The following PIK3C2A variants were observed in gnomAD, a reference collection of about 807,000 sequenced individuals.
PIK3C2A encodes phosphatidylinositol-4-phosphate 3-kinase catalytic subunit type 2 alpha, also known as phosphatidylinositol 4-phosphate 3-kinase C2 domain-containing subunit alpha.
PIK3C2A carries 97 observed loss-of-function variants against 204.5 expected under a neutral mutation model. The ratio of observed to expected loss-of-function variants is 0.47; its 90% CI spans 0.40 to 0.56. PIK3C2A has a LOEUF of 0.56. Among genes scored for constraint, PIK3C2A ranks in the 20% least tolerant of loss-of-function variants. PIK3C2A has a pLI of 0.00. For missense variants in PIK3C2A, 1,735 were observed against 1,969.2 expected, an observed-to-expected ratio of 0.88 and a Z score of 2.25; for synonymous variants, 653 against 664.4, an observed-to-expected ratio of 0.98 and a Z score of 0.26.
chr11:17,089,667 CTGTGTG>C lies in PIK3C2A; in HGVS notation c.*65_*70del, dbSNP rs903863131. 3.7e-6 allele frequency: 3 copies of C among 817,112 alleles called. No homozygotes were observed. The highest frequency in any genetic ancestry group is 6.0e-6 in the Non-Finnish European group (3 of 502,930). The allele number at this position is 817,112 out of a possible 1,614,324, so 50.6% of individuals were successfully genotyped here. A position where few individuals can be genotyped will look rare whatever the true frequency, so the allele number is the denominator to read the frequency against. ...AATTAACAAGTGTGTGTGTGTGTGT[CTGTGTG>C]TGTGTGCATGTATGCATGCACGTTT... On this transcript the variant is annotated 3_prime_UTR_variant, in exon 33 of 33. Coordinates refer to ENST00000691414, the MANE Select transcript of PIK3C2A (RefSeq NM_002645.4).
At chr11:17,144,119 CTTCAT>C (rs1850155043) in intron 8 of PIK3C2A, among the ~76,000 whole-genome samples, 1 of 152,074 alleles carries the variant, frequency 6.6e-6, no homozygotes, top group South Asian at 2.1e-4. Context: ...ATCTGCCAAT[CTTCAT>C]TTTATACTTT....
intron 3 of PIK3C2A, among the ~76,000 whole-genome samples, chr11:17,154,447 T>C (rs886179925): frequency 3.3e-5 from 5 of 152,176 alleles, no homozygotes; most frequent in African/African-American, 1.2e-4. Flanking sequence ...TAAAATAATG[T>C]ACATACTCAA....
At chr11:17,124,757 C>T (rs1385812411) in intron 13 of PIK3C2A, among the ~76,000 whole-genome samples, 1 of 152,184 alleles carries the variant, frequency 6.6e-6, no homozygotes, top group Admixed American at 6.5e-5. Context: ...ATCTGGCACC[C>T]TTTACAGAAA....
chr11:17,119,180 A>G (rs1392343372), intron 17 of PIK3C2A, 40 bp downstream of exon 17: 1 of 1,125,570 alleles, frequency 8.9e-7, no homozygotes, highest in Non-Finnish European at 1.3e-6. Flanking sequence ...AAAAAACTAG[A>G]GTGAAAGTAT....
rs180872885 is a variant in PIK3C2A, at chr11:17,121,736, A to G, written c.2657+452T>C. Among the ~76,000 whole-genome samples, 67 of 152,256 alleles carry G rather than the reference A, an allele frequency of 4.4e-4. No individual in the cohort carries two copies. In the East Asian group the frequency reaches 0.011, roughly 26 times the overall value. The stretch of plus-strand genomic sequence containing the variant: ...TTACTGAGAAATTGAACATCTTTTC[A>G]GATTGTTTAAAAGTATTGTATTTTT... On this transcript the variant is annotated intron_variant, in intron 15 of 32. Transcript: ENST00000691414.
At chr11:17,092,831 A>C (rs901872887) in intron 28 of PIK3C2A, among the ~76,000 whole-genome samples, 2 of 152,200 alleles carry the variant, frequency 1.3e-5, no homozygotes, top group Admixed American at 6.5e-5. Flanking sequence ...TTTTGACATT[A>C]AAAGTAATGG....
At chr11:17,154,818 C>A (rs1007497678) in intron 3 of PIK3C2A, among the ~76,000 whole-genome samples, 1 of 152,186 alleles carries the variant, frequency 6.6e-6, no homozygotes, top group Non-Finnish European at 1.5e-5. Flanking sequence ...TTAATGAACT[C>A]TATCCCATCC....
At chr11:17,183,818 G>A (rs944426122) in intron 1 of PIK3C2A, among the ~76,000 whole-genome samples, 3 of 152,034 alleles carry the variant, frequency 2.0e-5, no homozygotes, top group African/African-American at 7.2e-5. Flanking sequence ...ATTATAATGG[G>A]CCAGGTGCAG....
intron 1 of PIK3C2A, among the ~76,000 whole-genome samples, chr11:17,192,746 C>A (rs1424374031): frequency 6.6e-6 from 1 of 152,162 alleles, no homozygotes; most frequent in Non-Finnish European, 1.5e-5. Context: ...CGTGCCTGGC[C>A]ACAAAACAAC....
intron 14 of PIK3C2A, 139 bp from the exon 15 acceptor site, chr11:17,122,472 A>G (rs1439953251): frequency 1.7e-5 from 11 of 641,370 alleles, no homozygotes; most frequent in Non-Finnish European, 3.0e-5. Flanking sequence ...TCTTGTTGCA[A>G]TTGATTACCA....
chr11:17,092,293 AAAAC>A lies in PIK3C2A; in HGVS notation c.4452-21_4452-18del, dbSNP rs746413341. On this transcript the variant is annotated intron_variant, in intron 28 of 32. Transcript: ENST00000691414. ...TTAGGAAAGCTACAAAAGAAAAACA[AAAAC>A]AAGTGGGATTTAAATAAGTACAATA... 1.0e-5 allele frequency: 11 copies of A among 1,101,622 alleles called. No individual in the cohort carries two copies. The highest frequency in any genetic ancestry group is 1.5e-5 in the Non-Finnish European group (11 of 722,576). The allele number at this position is 1,101,622 out of a possible 1,614,324, so 68.2% of individuals were successfully genotyped here.
chr11:17,138,289 G>A (rs1849940899), intron 8 of PIK3C2A: 1 of 649,118 alleles, frequency 1.5e-6, no homozygotes, highest in African/African-American at 1.9e-5. Flanking sequence ...ATGAGGATAT[G>A]CCAAATGCCC....
intron 15 of PIK3C2A, among the ~76,000 whole-genome samples, chr11:17,121,420 G>A (rs1008552039): frequency 2.0e-5 from 3 of 152,158 alleles, no homozygotes; most frequent in South Asian, 2.1e-4. Flanking sequence ...CCCAGTCTCC[G>A]AACAGTTTTT....
At chr11:17,126,024 T>C (rs1414561259) in intron 13 of PIK3C2A, among the ~76,000 whole-genome samples, 1 of 152,052 alleles carries the variant, frequency 6.6e-6, no homozygotes, top group African/African-American at 2.4e-5. Flanking sequence ...CTCTGGAGGC[T>C]GAGGCATGAG....
chr11:17,117,018 A>G (rs1004696992), intron 19 of PIK3C2A, among the ~76,000 whole-genome samples: 3 of 152,282 alleles, frequency 2.0e-5, no homozygotes, highest in African/African-American at 7.2e-5. Flanking sequence ...TGTAGTACAC[A>G]TGCTAGAACA....
rs190628768 is a variant in PIK3C2A, at chr11:17,158,113, G to A, written c.1066-2484C>T. 3.9e-3 allele frequency among the ~76,000 whole-genome samples: 600 copies of A among 152,100 alleles called. 10 individuals carry two copies. The highest frequency in any genetic ancestry group is 7.9e-4 in the Non-Finnish European group (54 of 68,000). On this transcript the variant is annotated intron_variant, in intron 2 of 32. Transcript: ENST00000691414. ...GCCTGTAATCCCAGCACTTTGGGAC[G>A]CCGAGGCAGGCAAATCACCTGAGGT...
At chr11:17,168,560 G>T in intron 2 of PIK3C2A, 117 bp downstream of exon 2, 1 of 728,804 alleles carries the variant, frequency 1.4e-6, no homozygotes, top group Non-Finnish European at 2.3e-6. Context: ...CAGCCTGGGC[G>T]ACAGAGCGAG....
intron 32 of PIK3C2A, among the ~76,000 whole-genome samples, chr11:17,090,266 T>G (rs983990872): frequency 6.6e-6 from 1 of 152,028 alleles, no homozygotes; most frequent in Non-Finnish European, 1.5e-5. Context: ...GTTGGGAGTT[T>G]ACAACTAGCC....
chr11:17,125,626 C>T (rs111362903), intron 13 of PIK3C2A, among the ~76,000 whole-genome samples: 6 of 151,962 alleles, frequency 3.9e-5, no homozygotes, highest in African/African-American at 9.7e-5. Context: ...GCAATTCTCC[C>T]GTCTCAGCCT....
Sources: gnomAD v4.1 joint callset for allele counts (sites outside exome capture counted in the v4.1 genomes callset) on GRCh38, gnomAD v4.1.1 for gene constraint, MANE v1.5 for transcripts, NCBI Gene and HGNC (gene_info 2026-07-23, HGNC 2026-07-21) for gene names.